FARSA: variants seen among roughly 807,000 people sequenced by gnomAD.
FARSA encodes phenylalanine--tRNA ligase alpha subunit.
In FARSA, 37 loss-of-function variants were observed where a neutral mutation model predicts 63.2. The observed-to-expected ratio is 0.59, with a 90% CI of 0.45 to 0.77. The LOEUF (loss-of-function observed/expected upper bound fraction) is 0.77. FARSA is among the 30% of genes least tolerant of loss of function. The probability of loss-of-function intolerance (pLI) is 0.00; values close to 1 mark genes in which losing one functional copy is unlikely to be tolerated. For synonymous variants in FARSA, 312 were observed against 285.1 expected (o/e 1.09, Z -0.95); for missense variants, 618 against 696.6 (o/e 0.89, Z 1.27).
At chr19:12,925,505 C>T (rs1408685591) in intron 7 of FARSA, among the ~76,000 whole-genome samples, 2 of 145,814 alleles carry the variant, frequency 1.4e-5, no homozygotes, top group African/African-American at 5.1e-5. Context: ...TTACAGGTGC[C>T]TGCCACCACA....
rs757375482 is a variant in FARSA, at chr19:12,933,702, C to T, written c.-6G>A. ...GCCACCTGACCATCCGCCATGACTC[C>T]TTCCAGTGTGCTCAGCGTGTCCGGG... On this transcript the variant is annotated 5_prime_UTR_variant, in exon 1 of 13. Transcript: ENST00000314606. 1.3e-6 allele frequency: 2 copies of T among 1,561,664 alleles called. No homozygotes were observed. Among genetic ancestry groups the T allele is most frequent in the Admixed American group, 3.7e-5 (2 of 54,702 alleles).
intron 1 of FARSA, among the ~76,000 whole-genome samples, chr19:12,931,527 C>G (rs1971395711): frequency 2.0e-5 from 3 of 152,180 alleles, no homozygotes; most frequent in African/African-American, 7.2e-5. Context: ...TCCCAAAGTG[C>G]TAGGATTACA....
chr19:12,924,945 TG>T lies in FARSA; in HGVS notation c.984del (p.Thr329HisfsTer98). On this transcript the variant is annotated frameshift_variant, in exon 9 of 13. Transcript: ENST00000314606. LOFTEE classifies it high-confidence loss of function. The surrounding 1 kb of genome is among the most constrained non-coding windows in gnomAD (Gnocchi z 6.4). ...EARKNLLRTH[T>X]TSASARALYR... The stretch of plus-strand genomic sequence containing the variant: ...TAGAGCGCACGGGCGCTGGCTGATG[TG>T]GTGTGGGTTCGCAGTAGGTTTTTCC... 1 of 1,614,186 alleles carries T rather than the reference TG, an allele frequency of 6.2e-7. No homozygotes were observed. Among genetic ancestry groups the T allele is most frequent in the South Asian group, 1.1e-5 (1 of 91,086 alleles).
At chr19:12,932,195 A>AT (rs904308172) in intron 1 of FARSA, among the ~76,000 whole-genome samples, 4 of 150,818 alleles carry the variant, frequency 2.7e-5, no homozygotes, top group South Asian at 4.2e-4. Context: ...CGCCTGGCTA[A>AT]TTTTTTTTTG....
Position 12,922,788 on chromosome 19 carries a change from T to G in FARSA, c.1487A>C (p.Asp496Ala). 6.2e-7 allele frequency: 1 copy of G among 1,614,080 alleles called. No individual in the cohort carries two copies. Among genetic ancestry groups the G allele is most frequent in the African/African-American group, 1.3e-5 (1 of 75,018 alleles). Residue 496 changes from aspartate to alanine, a missense_variant, in exon 13 of 13, where the codon GAT (aspartate) becomes GCT (alanine). Physicochemically the swap from Asp to Ala is moderately radical, Grantham distance 126. Transcript: ENST00000314606. Reference protein sequence around the residue: ...MVYDSPLCRLDAEPRPPPTQE... With the variant: ...MVYDSPLCRLAAEPRPPPTQE... ...TGTGGGAGGGGGCCTCGGCTCGGCA[T>G]CCAGGCGGCACAGGGGACTGTCATA...
chr19:12,930,318 C>T lies in FARSA; in HGVS notation c.408G>A (p.Val136=), dbSNP rs1448673059. Residue 136 remains valine, a synonymous_variant, in exon 4 of 13, where the codon GTG becomes GTA. Transcript: ENST00000314606. ...FRVVDSMEDE[V]QRRLQLVRGG... ...CCCGGACCAGCTGGAGCCGCCGCTG[C>T]ACCTCATCCTCCATGCTGTCCACCT... The T allele has an allele frequency of 5.6e-6, 9 of 1,614,034 alleles. No homozygotes were observed. Among genetic ancestry groups the T allele is most frequent in the Admixed American group, 1.7e-5 (1 of 60,002 alleles).
chr19:12,923,857 C>T (rs1971294150), intron 12 of FARSA, among the ~76,000 whole-genome samples: 3 of 152,238 alleles, frequency 2.0e-5, no homozygotes, highest in African/African-American at 7.2e-5. Context: ...GGCGATCCTC[C>T]TGCCTTGGCC....
intron 1 of FARSA, among the ~76,000 whole-genome samples, chr19:12,931,351 C>T (rs879463683): frequency 2.0e-5 from 3 of 152,032 alleles, no homozygotes; most frequent in South Asian, 2.1e-4. Context: ...GCAACCTCTG[C>T]CTCCCGGGTT....
intron 7 of FARSA, among the ~76,000 whole-genome samples, chr19:12,926,966 G>A (rs1248403815): frequency 6.6e-6 from 1 of 152,244 alleles, no homozygotes; most frequent in African/African-American, 2.4e-5. Context: ...ATAATGACAA[G>A]AATGATGTTG....
At position 12,933,678 on chromosome 19, in the gene FARSA, C is replaced by A; in HGVS notation, c.19G>T (p.Ala7Ser). The change falls in exon 1 of 13, where the codon GCG becomes TCG. Residue 7 changes from alanine to serine, a missense_variant. Coordinates refer to ENST00000314606, the MANE Select transcript of FARSA (RefSeq NM_004461.3). ...TCCAGCCGCCGGAGCAGCAGTTCCGCCACCTGACCATCCGCCATGACTCCT... is the reference window on the plus strand; with the variant it reads ...TCCAGCCGCCGGAGCAGCAGTTCCGACACCTGACCATCCGCCATGACTCCT... MADGQV[A>S]ELLLRRLEAS... is the part of the protein sequence containing the mutation. The A allele has an allele frequency of 1.3e-6, 2 of 1,570,730 alleles. No individual in the cohort carries two copies. Among genetic ancestry groups the A allele is most frequent in the South Asian group, 1.2e-5 (1 of 86,312 alleles).
At chr19:12,930,982 G>A (rs1052411266) in intron 1 of FARSA, among the ~76,000 whole-genome samples, 2 of 152,184 alleles carry the variant, frequency 1.3e-5, no homozygotes, top group Admixed American at 6.5e-5. Flanking sequence ...ACCTCCCAGG[G>A]TAAAGTACAC....
intron 12 of FARSA, 111 bp from the exon 13 acceptor site, chr19:12,922,997 C>A: frequency 3.5e-6 from 5 of 1,436,442 alleles, no homozygotes; most frequent in Non-Finnish European, 4.8e-6. Context: ...CTCCCCATGA[C>A]CCACAGGGCC....
chr19:12,924,529 G>T lies in FARSA; in HGVS notation c.1196-3C>A. On this transcript the variant is annotated splice_region_variant and splice_polypyrimidine_tract_variant and intron_variant, in intron 10 of 12. Transcript: ENST00000314606. This position sits in a 1 kb window ranked among gnomAD's most constrained non-coding sequence, Gnocchi z 6.4. ...CTTGAAGCGGAGTTGCGTGATACCT[G>T]CAGGAAGTGGGGGGCGGGCAGGAGA... The T allele has an allele frequency of 6.2e-7, 1 of 1,613,530 alleles. No homozygotes were observed. The highest frequency in any genetic ancestry group is 8.5e-7 in the Non-Finnish European group (1 of 1,180,000).
chr19:12,932,130 A>G (rs1326948149), intron 1 of FARSA, among the ~76,000 whole-genome samples: 3 of 151,026 alleles, frequency 2.0e-5, no homozygotes, highest in African/African-American at 7.3e-5. Flanking sequence ...TCCCGATTCA[A>G]ACAATTCTCT....
Position 12,924,565 on chromosome 19 carries a change from G to C in FARSA, c.1196-39C>G. On this transcript the variant is annotated intron_variant, in intron 10 of 12. Coordinates refer to ENST00000314606, the MANE Select transcript of FARSA (RefSeq NM_004461.3). This position sits in a 1 kb window ranked among gnomAD's most constrained non-coding sequence, Gnocchi z 6.4. ...GGGGCGGGCAGGAGAGCAGGGGTTT[G>C]GAGGATAATGCTGGTGATCAACACA... is the stretch of plus-strand genomic sequence containing the variant. The C allele has an allele frequency of 5.0e-6, 8 of 1,612,890 alleles. No homozygotes were observed. The highest frequency in any genetic ancestry group is 6.8e-6 in the Non-Finnish European group (8 of 1,179,688).
At chr19:12,933,293 A>C in intron 1 of FARSA, 3 of 404,782 alleles carry the variant, frequency 7.4e-6, no homozygotes, top group Non-Finnish European at 8.2e-6. Flanking sequence ...GCGTGAGGGC[A>C]GCAACCGCGA....
At chr19:12,933,315 A>G (rs1971415696) in intron 1 of FARSA, 1 of 504,210 alleles carries the variant, frequency 2.0e-6, no homozygotes, top group East Asian at 3.6e-5. Context: ...TTCCTCGTCC[A>G]TCATCGTACC....
chr19:12,930,266 T>C lies in FARSA; in HGVS notation c.460A>G (p.Lys154Glu). Residue 154 changes from lysine (K) to glutamate (E), a missense_variant, in exon 4 of 13, where the codon AAG (lysine) becomes GAG (glutamate). Transcript: ENST00000314606. ...CTCTTCCTCAGCTCGCTCCTCTCCT[T>C]CTCCCCCAGCTTCTCAGCCTGTCCC... The part of the protein sequence containing the change: ...RGGQAEKLGE[K>E]ERSELRKRKL... 1 of 1,613,942 alleles carries C rather than the reference T, an allele frequency of 6.2e-7. No homozygotes were observed. The highest frequency in any genetic ancestry group is 8.5e-7 in the Non-Finnish European group (1 of 1,179,970).
chr19:12,933,268 AT>A, intron 1 of FARSA: 1 of 438,660 alleles, frequency 2.3e-6, no homozygotes, highest in South Asian at 2.8e-5. Context: ...GCACCTTCCT[AT>A]TACGTCGCAA....
Sources: allele counts gnomAD v4.1 joint callset (sites outside exome capture counted in the v4.1 genomes callset), GRCh38; gene constraint gnomAD v4.1.1; non-coding constraint Gnocchi (gnomAD v3.1); transcripts MANE v1.5; gene names NCBI Gene and HGNC (gene_info 2026-07-23, HGNC 2026-07-21).